Variants in TASP1 observed in about 807,000 individuals in gnomAD.
The protein encoded by TASP1 is taspase 1.
In TASP1, 16 loss-of-function variants were observed where a neutral mutation model predicts 56.6. That is an observed-to-expected ratio of 0.28 (90% CI 0.19 to 0.43). TASP1 has a LOEUF of 0.43. TASP1 is among the 20% of genes least tolerant of loss of function. The pLI is 1.00. For synonymous variants in TASP1, 179 were observed against 184.2 expected (o/e 0.97, Z 0.23); for missense variants, 393 against 511.6 (o/e 0.77, Z 2.24).
intron 10 of TASP1, among the ~76,000 whole-genome samples, chr20:13,505,112 G>A (rs558673107): frequency 3.4e-4 from 51 of 152,118 alleles, no homozygotes; most frequent in Non-Finnish European, 2.5e-4. Flanking sequence ...AAAAGACAGC[G>A]GGGGAGCTAT....
the TASP1 span, among the ~76,000 whole-genome samples, chr20:13,241,548 A>C: frequency 6.6e-6 from 1 of 152,138 alleles, no homozygotes; most frequent in Non-Finnish European, 1.5e-5. Context: ...AGAGAAAGAA[A>C]ATGAGCTATG....
chr20:13,279,734 C>T, the TASP1 span: 5 of 1,613,994 alleles, frequency 3.1e-6, no homozygotes, highest in Non-Finnish European at 4.2e-6. Flanking sequence ...GACTGGCGGG[C>T]CTGGTGGCAG....
intron 2 of TASP1, among the ~76,000 whole-genome samples, chr20:13,627,280 C>G (rs1340486682): frequency 6.6e-6 from 1 of 152,028 alleles, no homozygotes; most frequent in African/African-American, 2.4e-5. Flanking sequence ...AATTTTTGAC[C>G]CTTAAATGTG....
At chr20:13,154,651 A>AG in the TASP1 span, among the ~76,000 whole-genome samples, 6 of 152,200 alleles carry the variant, frequency 3.9e-5, no homozygotes, top group Admixed American at 3.9e-4. Context: ...AGTAAAACTA[A>AG]GATGCAAAAA....
intron 13 of TASP1, among the ~76,000 whole-genome samples, chr20:13,394,601 G>A (rs1359035809): frequency 1.3e-5 from 2 of 151,098 alleles, no homozygotes; most frequent in African/African-American, 2.4e-5. Flanking sequence ...GACAGAGCGA[G>A]ACTCTATCTC....
At chr20:13,106,841 T>G in the TASP1 span, among the ~76,000 whole-genome samples, 1 of 152,184 alleles carries the variant, frequency 6.6e-6, no homozygotes, top group Non-Finnish European at 1.5e-5. Flanking sequence ...TCTTCAGATC[T>G]AGGTTTGGAA....
the TASP1 span, among the ~76,000 whole-genome samples, chr20:13,301,324 G>T: frequency 6.6e-6 from 1 of 152,096 alleles, no homozygotes; most frequent in African/African-American, 2.4e-5. Context: ...GAGTAGCTGG[G>T]ATTACAGGCA....
At chr20:13,458,505 G>A (rs1390111774) in intron 11 of TASP1, among the ~76,000 whole-genome samples, 2 of 151,674 alleles carry the variant, frequency 1.3e-5, no homozygotes, top group Non-Finnish European at 2.9e-5. Flanking sequence ...CCCCCACCAT[G>A]CCCAGCTAAT....
chr20:13,497,801 G>C (rs928598394), intron 10 of TASP1, among the ~76,000 whole-genome samples: 1 of 152,056 alleles, frequency 6.6e-6, no homozygotes, highest in Admixed American at 6.6e-5. Flanking sequence ...TAGACCAGTG[G>C]AACAGAATAG....
At chr20:13,341,071 G>C in the TASP1 span, among the ~76,000 whole-genome samples, 2 of 152,164 alleles carry the variant, frequency 1.3e-5, no homozygotes, top group African/African-American at 4.8e-5. Flanking sequence ...TGAGTAAACA[G>C]GAGCTGTCAG....
chr20:13,453,039 A>G (rs753696271), intron 11 of TASP1, among the ~76,000 whole-genome samples: 1 of 152,144 alleles, frequency 6.6e-6, no homozygotes, highest in Non-Finnish European at 1.5e-5. Flanking sequence ...AGTTTTGTCA[A>G]ATCAAGGAAC....
chr20:13,363,436 G>C, the TASP1 span, among the ~76,000 whole-genome samples: 1 of 152,130 alleles, frequency 6.6e-6, no homozygotes, highest in Admixed American at 6.5e-5. Context: ...TCTTTGCCCT[G>C]TATATAGCTG....
At chr20:13,520,766 G>C (rs2044719357) in intron 10 of TASP1, among the ~76,000 whole-genome samples, 3 of 152,152 alleles carry the variant, frequency 2.0e-5, no homozygotes, top group Admixed American at 6.6e-5. Context: ...AGCCAAAATT[G>C]ACAAATGGGA....
the TASP1 span, among the ~76,000 whole-genome samples, chr20:13,146,811 G>A: frequency 6.6e-6 from 1 of 152,130 alleles, no homozygotes; most frequent in Non-Finnish European, 1.5e-5. Context: ...GTGAATGATG[G>A]AATTCACGCC....
the TASP1 span, among the ~76,000 whole-genome samples, chr20:13,198,834 CTTT>C: frequency 1.4e-5 from 2 of 138,384 alleles, no homozygotes; most frequent in East Asian, 2.1e-4. Flanking sequence ...TTCTTTCTTT[CTTT>C]CTTTCTTTCT....
the TASP1 span, chr20:13,299,181 C>G: frequency 6.2e-7 from 1 of 1,607,152 alleles, no homozygotes; most frequent in Non-Finnish European, 8.5e-7. This position sits in a 1 kb window ranked among gnomAD's most constrained non-coding sequence, Gnocchi z 5.8. Context: ...CCGCTCCATG[C>G]TGTCCCTGGA....
At chr20:13,293,540 T>C in the TASP1 span, among the ~76,000 whole-genome samples, 1 of 152,070 alleles carries the variant, frequency 6.6e-6, no homozygotes, top group African/African-American at 2.4e-5. Flanking sequence ...TGGGAGCTAA[T>C]TTGGTGAACA....
chr20:13,575,238 A>C (rs1040922350), intron 6 of TASP1, among the ~76,000 whole-genome samples: 1 of 152,238 alleles, frequency 6.6e-6, no homozygotes, highest in Non-Finnish European at 1.5e-5. Context: ...AGATGCAGCA[A>C]AGCATTTGAC....
chr20:13,149,594 AAAGCGTGGC>A, the TASP1 span, among the ~76,000 whole-genome samples: 3 of 152,256 alleles, frequency 2.0e-5, no homozygotes, highest in African/African-American at 4.8e-5. Flanking sequence ...CCTATATGAG[AAAGCGTGGC>A]AACCACAAAG....
Sources: gnomAD v4.1 joint callset for allele counts (sites outside exome capture counted in the v4.1 genomes callset) on GRCh38, gnomAD v4.1.1 for gene constraint, Gnocchi (gnomAD v3.1) non-coding constraint, MANE v1.5 for transcripts, NCBI Gene and HGNC (gene_info 2026-07-23, HGNC 2026-07-21) for gene names.